Variants in GFI1B observed in about 807,000 individuals in gnomAD.
GFI1B encodes the protein growth factor independent 1B transcriptional repressor, also known as zinc finger protein Gfi-1b.
Under a neutral mutation model 35.3 loss-of-function variants are expected in GFI1B, and 20 were observed. The observed-to-expected ratio is 0.57, with a 90% confidence interval of 0.40 to 0.82. The LOEUF (loss-of-function observed/expected upper bound fraction) is 0.82. GFI1B is among the 40% of genes least tolerant of loss of function. The probability of loss-of-function intolerance (pLI) is 0.00; values close to 1 mark genes in which losing one functional copy is unlikely to be tolerated. For synonymous variants in GFI1B, 178 were observed against 177.6 expected, an observed-to-expected ratio of 1.00 and a Z score of -0.02; for missense variants, 430 against 446.3, an observed-to-expected ratio of 0.96 and a Z score of 0.33.
At chr9:132,978,687 G>GAAA (rs1205532999), upstream of GFI1B, 1 of 152,324 alleles carries the variant, frequency 6.6e-6, no homozygotes, top group East Asian at 1.9e-4. Context: ...AACAGAAGAG[G>GAAA]AAAAACACAC....
Position 132,989,150 on chromosome 9 carries a change from C to T in GFI1B, c.600C>T (p.Thr200=), listed in dbSNP as rs747350886. The part of the protein sequence containing the change: ...RPFACDICGK[T]FGHAVSLEQH... ...TCGCCTGTGACATCTGCGGCAAAAC[C>T]TTCGGCCACGCTGTGAGCCTGGAGC... Residue 200 remains threonine, a synonymous_variant, in exon 5 of 7, where the codon ACC becomes ACT. Transcript: ENST00000372122. The surrounding 1 kb of genome is among the most constrained non-coding windows in gnomAD (Gnocchi z 6.2). The T allele has an allele frequency of 1.2e-6, 2 of 1,614,032 alleles. No individual in the cohort carries two copies. The highest frequency in any genetic ancestry group is 2.2e-5 in the East Asian group (1 of 44,882).
downstream of GFI1B, among the ~76,000 whole-genome samples, chr9:132,992,583 G>A (rs887155035): frequency 6.6e-6 from 1 of 152,134 alleles, no homozygotes; most frequent in Admixed American, 6.5e-5. Context: ...CACGTAGTAA[G>A]TGCTGCCGAG....
upstream of GFI1B, among the ~76,000 whole-genome samples, chr9:132,974,601 C>CAAAAAAAAAAAAAAAAAAAAAAA (rs11243966): frequency 3.8e-5 from 3 of 79,820 alleles, no homozygotes; most frequent in African/African-American, 1.7e-4. Context: ...GAATCCGTCT[C>CAAAAAAAAAAAAAAAAAAAAAAA]AAAAAAAAAA....
chr9:132,949,314 A>C (rs1848166338), intron 1 of GFI1B, among the ~76,000 whole-genome samples: 2 of 143,402 alleles, frequency 1.4e-5, no homozygotes, highest in East Asian at 2.0e-4. Flanking sequence ...CATCAAGCCA[A>C]ACCCACAGAT....
chr9:132,962,287 G>A (rs60160150), intron 1 of GFI1B, among the ~76,000 whole-genome samples: 15,148 of 151,860 alleles, frequency 0.1, 815 homozygotes, highest in African/African-American at 0.15. Context: ...ACAGATGCGA[G>A]CCACCATGCC....
intron 1 of GFI1B, chr9:132,951,804 C>G (rs567563586): frequency 5.9e-5 from 9 of 152,342 alleles, no homozygotes; most frequent in African/African-American, 2.2e-4. Context: ...GTGTCTCACT[C>G]CAGTCCAGAC....
At position 132,987,354 on chromosome 9, in the gene GFI1B, C is replaced by T. The variant is rs202104252; in HGVS notation, c.173C>T (p.Thr58Ile). 2.7e-5 allele frequency: 44 copies of T among 1,614,218 alleles called. No homozygotes were observed. In the African/African-American group the frequency reaches 4.7e-4, roughly 17 times the overall value. Reference protein sequence around the residue: ...TLFPNQCLDWTNLKREPELEQ... With the variant: ...TLFPNQCLDWINLKREPELEQ... ...TTCCCAAACCAGTGCCTGGACTGGA[C>T]CAACCTCAAACGAGAGCCGGAGCTG... The change falls in exon 3 of 7, where the codon ACC (threonine) becomes ATC (isoleucine). Residue 58 changes from threonine to isoleucine, a missense_variant. Physicochemically the swap from Thr to Ile is moderately conservative, Grantham distance 89. Coordinates refer to ENST00000372122, the MANE Select transcript of GFI1B (RefSeq NM_001377304.1).
intron 1 of GFI1B, among the ~76,000 whole-genome samples, chr9:132,958,425 C>A (rs149953647): frequency 6.6e-6 from 1 of 152,034 alleles, no homozygotes; most frequent in Non-Finnish European, 1.5e-5. Context: ...CCAATCATGG[C>A]GGAAGGCAAA....
upstream of GFI1B, among the ~76,000 whole-genome samples, chr9:132,978,111 G>A (rs185677936): frequency 7.9e-5 from 12 of 151,880 alleles, no homozygotes; most frequent in African/African-American, 2.4e-4. Flanking sequence ...GAGGGAGGGA[G>A]GGGAGGAGGC....
At chr9:132,962,139 T>G (rs1232635074) in intron 1 of GFI1B, among the ~76,000 whole-genome samples, 1 of 145,950 alleles carries the variant, frequency 6.9e-6, no homozygotes, top group African/African-American at 2.6e-5. Context: ...TTTTTTTTCT[T>G]TTTTTTTTTT....
At chr9:132,965,489 G>A (rs575395056) in intron 1 of GFI1B, among the ~76,000 whole-genome samples, 21 of 152,372 alleles carry the variant, frequency 1.4e-4, no homozygotes, top group African/African-American at 4.6e-4. Context: ...GAATGTGACC[G>A]TATTTGGGAA....
intron 1 of GFI1B, among the ~76,000 whole-genome samples, chr9:132,983,449 C>T (rs767598629): frequency 6.6e-6 from 1 of 152,094 alleles, no homozygotes; most frequent in Non-Finnish European, 1.5e-5. Context: ...TCCGCCTCGG[C>T]CTCCCAAAAT....
rs200576112 is a variant in GFI1B, at chr9:132,990,855, C to T, written c.815-17C>T. 19 of 1,613,510 alleles carry T rather than the reference C, an allele frequency of 1.2e-5. No individual in the cohort carries two copies. The East Asian group carries it at 1.8e-4, about 15-fold the overall frequency. Reference sequence around the variant, plus strand: ...CCCTGACCCCGCCCTTGCTGTGCTGCGCTGCCCTCCCTGCAGGTGAGAAGC... The same window carrying T: ...CCCTGACCCCGCCCTTGCTGTGCTGTGCTGCCCTCCCTGCAGGTGAGAAGC... On this transcript the variant is annotated splice_polypyrimidine_tract_variant and intron_variant, in intron 6 of 6. Transcript: ENST00000372122.
At chr9:132,984,605 G>A (rs1157359083) in intron 1 of GFI1B, among the ~76,000 whole-genome samples, 2 of 152,166 alleles carry the variant, frequency 1.3e-5, no homozygotes, top group Non-Finnish European at 2.9e-5. Flanking sequence ...TGGGATGCGG[G>A]GGAGCACATG....
At chr9:132,948,698 C>T (rs367610390) in intron 1 of GFI1B, among the ~76,000 whole-genome samples, 31 of 152,230 alleles carry the variant, frequency 2.0e-4, no homozygotes, top group African/African-American at 7.5e-4. Context: ...CAGCCCCGGC[C>T]TCTCTAGCGC....
rs772682383 is a variant in GFI1B, at chr9:132,988,201, C to A, written c.243C>A (p.Gly81=). Residue 81 remains glycine, a synonymous_variant, in exon 4 of 7, where the codon GGC becomes GGA. Transcript: ENST00000372122. ...NLARMAPAPE[G]PIVLSRPQDG... is the part of the protein sequence containing the mutation. The stretch of plus-strand genomic sequence containing the variant: ...CCTGTGTCGTTATCTCCACAGAGGG[C>A]CCCATTGTGCTGTCCCGACCCCAGG... 1.2e-6 allele frequency: 2 copies of A among 1,613,738 alleles called. No homozygotes were observed. Among genetic ancestry groups the A allele is most frequent in the Non-Finnish European group, 1.7e-6 (2 of 1,179,638 alleles).
chr9:132,987,203 G>C, intron 2 of GFI1B, 79 bp from the exon 3 acceptor site: 1 of 1,464,354 alleles, frequency 6.8e-7, no homozygotes, highest in Non-Finnish European at 9.4e-7. Flanking sequence ...CTCCTCCTAG[G>C]AAGGGCGTGC....
At chr9:132,985,847 A>G (rs1317100672) in intron 1 of GFI1B, among the ~76,000 whole-genome samples, 1 of 152,160 alleles carries the variant, frequency 6.6e-6, no homozygotes, top group Admixed American at 6.5e-5. Context: ...CTAAGCTCAG[A>G]CCACCCGTTT....
At chr9:132,954,944 C>T (rs1848260957) in intron 1 of GFI1B, among the ~76,000 whole-genome samples, 1 of 152,134 alleles carries the variant, frequency 6.6e-6, no homozygotes, top group Admixed American at 6.5e-5. Flanking sequence ...GTCTCGATCT[C>T]TTGACCTCAT....
Sources: allele counts gnomAD v4.1 joint callset (sites outside exome capture counted in the v4.1 genomes callset), GRCh38; gene constraint gnomAD v4.1.1; non-coding constraint Gnocchi (gnomAD v3.1); transcripts MANE v1.5; gene names NCBI Gene and HGNC (gene_info 2026-07-23, HGNC 2026-07-21).